CUBN: variants seen among roughly 807,000 people sequenced by gnomAD.
The protein encoded by CUBN is cubilin, also known as 460 kDa receptor.
A neutral mutation model predicts 405.3 loss-of-function variants in CUBN; 282 were observed. That is an observed-to-expected ratio of 0.70 (90% confidence interval 0.63 to 0.77). CUBN has a LOEUF of 0.77. CUBN is among the 30% of genes least tolerant of loss of function. The pLI, the probability that CUBN is intolerant of heterozygous loss-of-function variation, is 0.00. For missense variants in CUBN, 4,514 were observed against 4,475.2 expected, an observed-to-expected ratio of 1.01 and a Z score of -0.25; for synonymous variants, 1,684 against 1,617.0, an observed-to-expected ratio of 1.04 and a Z score of -0.99.
chr10:16,840,880 C>A lies in CUBN; in HGVS notation c.9826+5G>T, dbSNP rs764585132. On this transcript the variant is annotated splice_donor_5th_base_variant and intron_variant, in intron 61 of 66. Transcript: ENST00000377833. Reference sequence around the variant, plus strand: ...TAACATATAAAAATGCTTCTATTTACTCACTGTCCATGATGGTGTATGTAG... The same window carrying A: ...TAACATATAAAAATGCTTCTATTTAATCACTGTCCATGATGGTGTATGTAG... 1 of 1,606,472 alleles carries A rather than the reference C, an allele frequency of 6.2e-7. No homozygotes were observed. The highest frequency in any genetic ancestry group is 1.1e-5 in the South Asian group (1 of 90,920).
At chr10:16,994,831 T>C (rs1202491375) in intron 28 of CUBN, among the ~76,000 whole-genome samples, 2 of 152,224 alleles carry the variant, frequency 1.3e-5, no homozygotes, top group African/African-American at 4.8e-5. Flanking sequence ...AGTTCACACC[T>C]GTAATCCCAA....
At chr10:16,828,096 A>G (rs961824357) in intron 66 of CUBN, among the ~76,000 whole-genome samples, 3 of 152,148 alleles carry the variant, frequency 2.0e-5, no homozygotes, top group African/African-American at 4.8e-5. Flanking sequence ...CAAATTTTCT[A>G]CAGTTCTATT....
intron 28 of CUBN, among the ~76,000 whole-genome samples, chr10:17,012,895 C>T (rs7907720): frequency 0.4 from 60,263 of 151,964 alleles, 12,260 homozygotes; most frequent in East Asian, 0.58. Context: ...CTGAAGGGAG[C>T]TCCTCCTATG....
intron 34 of CUBN, among the ~76,000 whole-genome samples, chr10:16,948,993 A>G (rs1842854565): frequency 6.6e-6 from 1 of 152,196 alleles, no homozygotes; most frequent in South Asian, 2.1e-4. Context: ...ACCTGGATTC[A>G]GCCCCTGGCT....
chr10:16,955,023 C>T (rs1266852393), intron 31 of CUBN, among the ~76,000 whole-genome samples: 2 of 152,124 alleles, frequency 1.3e-5, no homozygotes, highest in African/African-American at 4.8e-5. Context: ...AGAGAAATGG[C>T]AGAATTCTTT....
intron 27 of CUBN, among the ~76,000 whole-genome samples, chr10:17,033,788 T>C (rs1834831981): frequency 6.6e-6 from 1 of 152,218 alleles, no homozygotes; most frequent in Non-Finnish European, 1.5e-5. Flanking sequence ...ATAACCTGTG[T>C]TGCAGTAAGC....
intron 28 of CUBN, among the ~76,000 whole-genome samples, chr10:17,018,307 C>T (rs140996920): frequency 8.5e-4 from 130 of 152,274 alleles, no homozygotes; most frequent in African/African-American, 2.9e-3. Flanking sequence ...AAAATGTGTC[C>T]GGAATTTATT....
Position 16,915,153 on chromosome 10 carries a change from G to A in CUBN, c.7230C>T (p.Tyr2410=), listed in dbSNP as rs1206836325. ...TGCTGTCAGGAATGGTGTTTCCACAGTATCTGCCCAAGATGTTTCCTGTGA... is the reference window on the plus strand; with the variant it reads ...TGCTGTCAGGAATGGTGTTTCCACAATATCTGCCCAAGATGTTTCCTGTGA... ...NHTSGNILGR[Y]CGNTIPDSID... Residue 2410 remains tyrosine (Y), a synonymous_variant, in exon 47 of 67, where the codon TAC becomes TAT. Coordinates refer to ENST00000377833, the MANE Select transcript of CUBN (RefSeq NM_001081.4). The A allele has an allele frequency of 1.2e-6, 2 of 1,613,946 alleles. No individual in the cohort carries two copies. Among genetic ancestry groups the A allele is most frequent in the South Asian group, 2.2e-5 (2 of 91,062 alleles).
At chr10:16,975,361 G>A (rs117210878) in intron 31 of CUBN, among the ~76,000 whole-genome samples, 155 of 152,300 alleles carry the variant, frequency 1.0e-3, no homozygotes, top group Non-Finnish European at 1.7e-3. Flanking sequence ...AGAAAACCTT[G>A]TCTGTGTGTT....
chr10:17,097,667 G>T (rs1323462814), intron 14 of CUBN, among the ~76,000 whole-genome samples: 1 of 152,142 alleles, frequency 6.6e-6, no homozygotes, highest in East Asian at 1.9e-4. Context: ...AGCATAACTT[G>T]CCATGAACAA....
intron 25 of CUBN, 60 bp downstream of exon 25, chr10:17,044,947 T>C: frequency 6.8e-7 from 1 of 1,467,460 alleles, no homozygotes; most frequent in Non-Finnish European, 9.6e-7. Flanking sequence ...TAAAAATAAG[T>C]GCATTGTGCG....
chr10:17,116,231 G>T (rs1218566000), intron 6 of CUBN, among the ~76,000 whole-genome samples: 1 of 152,228 alleles, frequency 6.6e-6, no homozygotes, highest in Non-Finnish European at 1.5e-5. Context: ...AGCAGTGGGT[G>T]CTTTGTTACT....
chr10:16,928,532 C>CCCCCCT (rs1403918589), intron 40 of CUBN, among the ~76,000 whole-genome samples: 44 of 107,120 alleles, frequency 4.1e-4, no homozygotes, highest in African/African-American at 6.8e-4. Context: ...CCACCCCCCC[C>CCCCCCT]TTTTTTTTTT....
intron 28 of CUBN, among the ~76,000 whole-genome samples, chr10:17,008,929 G>A (rs1250972498): frequency 6.6e-6 from 1 of 152,090 alleles, no homozygotes; most frequent in South Asian, 2.1e-4. Flanking sequence ...GAACAAATGC[G>A]TGAATGATAC....
At chr10:17,038,402 A>C (rs1373067397) in intron 27 of CUBN, among the ~76,000 whole-genome samples, 1 of 152,092 alleles carries the variant, frequency 6.6e-6, no homozygotes, top group Non-Finnish European at 1.5e-5. Context: ...CCCTTCTCCC[A>C]CTGTATATTT....
chr10:17,073,792 A>G lies in CUBN; in HGVS notation c.2302-1821T>C, dbSNP rs1835792153. On this transcript the variant is annotated intron_variant, in intron 17 of 66. Transcript: ENST00000377833. ...TAGTGGCCATGAATACAGTCTATGG[A>G]CTTGGGTTCAAAACCTACCTCTGTC... Among the ~76,000 whole-genome samples the G allele has an allele frequency of 1.3e-5, 2 of 152,162 alleles. 1 individual carries two copies. Among genetic ancestry groups the G allele is most frequent in the Admixed American group, 1.3e-4 (2 of 15,282 alleles).
In CUBN at chr10:17,023,009, C is replaced by T. The variant is rs374038934; in HGVS notation, c.4018-3026G>A. 1.2e-3 allele frequency among the ~76,000 whole-genome samples: 176 copies of T among 152,344 alleles called. 2 individuals are homozygous for T. The highest frequency in any genetic ancestry group is 4.1e-3 in the African/African-American group (169 of 41,576). ...CATGTTGCGGAATTATATTTCAATC[C>T]TGCACAAGGTCATGAACAGCATAGC... On this transcript the variant is annotated intron_variant, in intron 27 of 66. Coordinates refer to ENST00000377833, the MANE Select transcript of CUBN (RefSeq NM_001081.4).
At chr10:16,950,132 C>T (rs767354823) in intron 33 of CUBN, 21 bp from the exon 34 acceptor site, 64 of 1,575,124 alleles carry the variant, frequency 4.1e-5, no homozygotes, top group East Asian at 2.2e-4. Flanking sequence ...AAAGAGAAGA[C>T]TCTCTCGTAA....
At position 16,990,222 on chromosome 10, in the gene CUBN, T is replaced by C. The variant is rs893076539; in HGVS notation, c.4350+112A>G. 4.9e-6 allele frequency: 5 copies of C among 1,024,330 alleles called. No homozygotes were observed. The African/African-American group carries it at 6.3e-5, about 13-fold the overall frequency. The allele number at this position is 1,024,330 out of a possible 1,614,324, so 63.5% of individuals were successfully genotyped here. On this transcript the variant is annotated intron_variant, in intron 29 of 66. Transcript: ENST00000377833. ...CGAAGGGCTGATGCTCATTAAAATG[T>C]CTAAGAATAGAACACTGCTGACTAC...
Sources: allele counts gnomAD v4.1 joint callset (sites outside exome capture counted in the v4.1 genomes callset), GRCh38; gene constraint gnomAD v4.1.1; transcripts MANE v1.5; gene names NCBI Gene and HGNC (gene_info 2026-07-23, HGNC 2026-07-21).